BTAF1: variants seen among roughly 807,000 people sequenced by gnomAD.
BTAF1 encodes the protein B-TFIID TATA-box binding protein associated factor 1.
In BTAF1, 38 loss-of-function variants were observed where a neutral mutation model predicts 227.1. The ratio of observed to expected loss-of-function variants is 0.17; its 90% CI spans 0.13 to 0.22. The LOEUF is 0.22. BTAF1 is among the 10% of genes least tolerant of loss of function. The probability of loss-of-function intolerance (pLI) is 1.00; values close to 1 mark genes in which losing one functional copy is unlikely to be tolerated. For missense variants in BTAF1, 1,598 were observed against 2,204.0 expected, an observed-to-expected ratio of 0.73 and a Z score of 5.51; for synonymous variants, 742 against 751.9, an observed-to-expected ratio of 0.99 and a Z score of 0.21.
At chr10:91,930,979 C>T (rs928021675) in intron 1 of BTAF1, among the ~76,000 whole-genome samples, 11 of 152,116 alleles carry the variant, frequency 7.2e-5, no homozygotes, top group African/African-American at 2.7e-4. Context: ...TTTTGCCCCT[C>T]CCCTCCCGAG....
chr10:91,980,001 G>GT (rs1009990638), intron 14 of BTAF1, among the ~76,000 whole-genome samples: 3 of 152,092 alleles, frequency 2.0e-5, no homozygotes, highest in African/African-American at 7.2e-5. Flanking sequence ...AAGTTTCTAG[G>GT]TTGGATATTA....
chr10:91,964,873 CAG>C (rs1175840913), intron 13 of BTAF1, among the ~76,000 whole-genome samples: 13 of 151,824 alleles, frequency 8.6e-5, no homozygotes, highest in Non-Finnish European at 1.9e-4. Flanking sequence ...TCCTTAGAGA[CAG>C]AGAAGAAAAA....
At chr10:92,006,936 T>C (rs1849933672) in intron 25 of BTAF1, among the ~76,000 whole-genome samples, 1 of 152,154 alleles carries the variant, frequency 6.6e-6, no homozygotes, top group African/African-American at 2.4e-5. Flanking sequence ...ATATGAAACA[T>C]CAACCACAAA....
intron 25 of BTAF1, among the ~76,000 whole-genome samples, chr10:91,998,352 A>C (rs1849281444): frequency 1.3e-5 from 2 of 152,328 alleles, no homozygotes; most frequent in South Asian, 4.1e-4. Context: ...TTTTCTAGAA[A>C]TAGAATTGTT....
intron 25 of BTAF1, among the ~76,000 whole-genome samples, chr10:92,005,755 A>G (rs980064321): frequency 1.3e-4 from 20 of 151,958 alleles, no homozygotes; most frequent in African/African-American, 4.8e-4. Flanking sequence ...ACATGTTAAC[A>G]TAATTAACTT....
chr10:91,951,987 G>A (rs1009168243), intron 5 of BTAF1, among the ~76,000 whole-genome samples: 8 of 151,552 alleles, frequency 5.3e-5, no homozygotes, highest in Non-Finnish European at 1.0e-4. Context: ...TAAGACAACC[G>A]AGAAAGGGTA....
At chr10:91,991,829 A>ATATG (rs1848808446) in intron 20 of BTAF1, among the ~76,000 whole-genome samples, 1 of 146,776 alleles carries the variant, frequency 6.8e-6, no homozygotes, top group African/African-American at 2.6e-5. Flanking sequence ...ATATATATAT[A>ATATG]TATACACACA....
At chr10:91,994,099 A>C (rs913294003) in intron 22 of BTAF1, among the ~76,000 whole-genome samples, 19 of 152,140 alleles carry the variant, frequency 1.2e-4, no homozygotes, top group African/African-American at 4.6e-4. Flanking sequence ...AGATCACTTG[A>C]GGTCAGGAGT....
Position 92,013,690 on chromosome 10 carries a change from A to G in BTAF1, c.4335A>G (p.Ser1445=). The change falls in exon 31 of 38, where the codon TCA becomes TCG. Residue 1445 remains serine, a synonymous_variant. Coordinates refer to ENST00000265990, the MANE Select transcript of BTAF1 (RefSeq NM_003972.3). The stretch of plus-strand genomic sequence containing the variant: ...AGAACAACGTTTTGGAGCTGTGGTC[A>G]TTATTTGATTTCCTCATGCCAGGAT... The part of the protein sequence containing the change: ...PIQNNVLELW[S]LFDFLMPGFL... 6.2e-7 allele frequency: 1 copy of G among 1,614,046 alleles called. No homozygotes were observed. The highest frequency in any genetic ancestry group is 8.5e-7 in the Non-Finnish European group (1 of 1,180,016).
intron 4 of BTAF1, among the ~76,000 whole-genome samples, chr10:91,947,235 A>G (rs545376203): frequency 6.6e-6 from 1 of 152,022 alleles, no homozygotes; most frequent in Non-Finnish European, 1.5e-5. Context: ...ATGAAGTCCA[A>G]TTTTTTTGTA....
intron 14 of BTAF1, among the ~76,000 whole-genome samples, chr10:91,975,465 A>G (rs1208115874): frequency 6.6e-6 from 1 of 152,240 alleles, no homozygotes; most frequent in African/African-American, 2.4e-5. Flanking sequence ...ACCTTCAATA[A>G]ATGTTGGTTG....
At chr10:91,974,833 G>A (rs1433033746) in intron 14 of BTAF1, among the ~76,000 whole-genome samples, 1 of 152,114 alleles carries the variant, frequency 6.6e-6, no homozygotes, top group Admixed American at 6.5e-5. Flanking sequence ...CAGCCTAGGT[G>A]ACAGAGTGAA....
intron 4 of BTAF1, among the ~76,000 whole-genome samples, chr10:91,944,202 C>T (rs1018077137): frequency 4.6e-5 from 7 of 151,772 alleles, no homozygotes; most frequent in Non-Finnish European, 8.8e-5. Context: ...GATATGTAAC[C>T]AGGATTGGGA....
chr10:91,982,310 T>C (rs1848121159), intron 17 of BTAF1, 85 bp downstream of exon 17: 13 of 1,572,554 alleles, frequency 8.3e-6, no homozygotes, highest in East Asian at 4.5e-5. Flanking sequence ...ATTCCTCTGC[T>C]GTCTCCATCA....
chr10:91,963,451 G>A (rs991291097), intron 12 of BTAF1, among the ~76,000 whole-genome samples: 7 of 151,782 alleles, frequency 4.6e-5, no homozygotes, highest in Non-Finnish European at 8.8e-5. Flanking sequence ...TTTTTGTAGT[G>A]ATGGGGGAGT....
At chr10:91,939,834 G>A in intron 2 of BTAF1, 118 bp from the exon 3 acceptor site, 2 of 578,586 alleles carry the variant, frequency 3.5e-6, no homozygotes, top group Non-Finnish European at 6.2e-6. Context: ...TGTTTTATAT[G>A]TATTTGGATG....
chr10:92,003,545 C>T (rs1228526045), intron 25 of BTAF1, among the ~76,000 whole-genome samples: 3 of 152,126 alleles, frequency 2.0e-5, no homozygotes, highest in Non-Finnish European at 4.4e-5. Context: ...ATAATGTCAT[C>T]CAGGTTTATT....
intron 14 of BTAF1, among the ~76,000 whole-genome samples, chr10:91,967,786 C>G (rs1310150821): frequency 6.6e-6 from 1 of 151,992 alleles, no homozygotes; most frequent in Non-Finnish European, 1.5e-5. Context: ...TGCTTTTTGC[C>G]TAAATGTTTG....
chr10:91,969,512 A>G (rs1564682313), intron 14 of BTAF1, among the ~76,000 whole-genome samples: 1 of 152,150 alleles, frequency 6.6e-6, no homozygotes, highest in Non-Finnish European at 1.5e-5. Context: ...TACATGAGTC[A>G]CTGTTTGCAG....
Sources: gnomAD v4.1 joint callset for allele counts (sites outside exome capture counted in the v4.1 genomes callset) on GRCh38, gnomAD v4.1.1 for gene constraint, MANE v1.5 for transcripts, NCBI Gene and HGNC (gene_info 2026-07-23, HGNC 2026-07-21) for gene names.